PHLDB2: variants seen among roughly 807,000 people sequenced by gnomAD.
PHLDB2 encodes the protein pleckstrin homology-like domain family B member 2.
Under a neutral mutation model 123.6 loss-of-function variants are expected in PHLDB2, and 71 were observed. The observed-to-expected ratio is 0.57, with a 90% confidence interval of 0.47 to 0.70. PHLDB2 has a LOEUF of 0.70. Among genes scored for constraint, PHLDB2 ranks in the 30% least tolerant of loss-of-function variants. The probability of loss-of-function intolerance (pLI) is 0.00; values close to 1 mark genes in which losing one functional copy is unlikely to be tolerated. For synonymous variants in PHLDB2, 547 were observed against 541.6 expected (o/e 1.01, Z -0.14); for missense variants, 1,446 against 1,519.5 (o/e 0.95, Z 0.80).
At chr3:111,875,291 G>C (rs1241707881) in intron 1 of PHLDB2, among the ~76,000 whole-genome samples, 2 of 151,688 alleles carry the variant, frequency 1.3e-5, no homozygotes, top group African/African-American at 4.8e-5. Flanking sequence ...TGGGATTACA[G>C]GCATGCACCA....
In PHLDB2 at chr3:111,838,278, G is replaced by A. The variant is rs573966634; in HGVS notation, c.-48-7543G>A. ...TATCTCCTGATCGGCTGGGACTATA[G>A]GCACCTGCCACCACTCCTACCCAGG... On this transcript the variant is annotated intron_variant, in intron 1 of 17. Transcript: ENST00000393923. 3.3e-5 allele frequency among the ~76,000 whole-genome samples: 5 copies of A among 152,242 alleles called. No homozygotes were observed. The South Asian group carries it at 8.3e-4, about 25-fold the overall frequency.
At chr3:111,799,810 A>C (rs1284725645) in intron 1 of PHLDB2, among the ~76,000 whole-genome samples, 2 of 152,238 alleles carry the variant, frequency 1.3e-5, no homozygotes, top group Non-Finnish European at 2.9e-5. Flanking sequence ...TGTGTTCAAC[A>C]CATGTCATAG....
chr3:111,924,354 A>T (rs954327141), intron 5 of PHLDB2, among the ~76,000 whole-genome samples: 2 of 152,252 alleles, frequency 1.3e-5, no homozygotes, highest in Non-Finnish European at 2.9e-5. Context: ...ACTGTGATCC[A>T]CTGTTTATCC....
At chr3:111,857,203 A>G (rs2064550503), upstream of PHLDB2, among the ~76,000 whole-genome samples, 2 of 152,120 alleles carry the variant, frequency 1.3e-5, no homozygotes, top group African/African-American at 4.8e-5. Flanking sequence ...TGTCATCCCA[A>G]CACTTAGGGT....
At chr3:111,855,282 A>C (rs1309416686), upstream of PHLDB2, among the ~76,000 whole-genome samples, 1 of 152,214 alleles carries the variant, frequency 6.6e-6, no homozygotes, top group Non-Finnish European at 1.5e-5. Context: ...TGTTTAGTTT[A>C]CAACACAATA....
chr3:111,848,534 G>A (rs2064113445), intron 2 of PHLDB2, among the ~76,000 whole-genome samples: 1 of 152,234 alleles, frequency 6.6e-6, no homozygotes, highest in African/African-American at 2.4e-5. Context: ...CACTCCAAGT[G>A]TTGAGGGATC....
At chr3:111,780,324 A>AGAAGAAGAAGAG (rs2060378190) in intron 1 of PHLDB2, among the ~76,000 whole-genome samples, 1 of 7,506 alleles carries the variant, frequency 1.3e-4, no homozygotes, top group African/African-American at 1.9e-4. Flanking sequence ...AGGAAGAGGA[A>AGAAGAAGAAGAG]GAAGAAGAAG....
intron 12 of PHLDB2, chr3:111,958,821 C>G (rs2071212116): frequency 2.3e-6 from 1 of 431,712 alleles, no homozygotes; most frequent in African/African-American, 2.1e-5. Context: ...GGGAAAGTCT[C>G]ATTTTTCCCA....
At chr3:111,749,696 A>T (rs1307896773) in intron 1 of PHLDB2, among the ~76,000 whole-genome samples, 1 of 152,234 alleles carries the variant, frequency 6.6e-6, no homozygotes, top group African/African-American at 2.4e-5. Flanking sequence ...TGCCAGTAGT[A>T]CTTTTTCATT....
At chr3:111,889,512 G>C (rs1293134771) in intron 2 of PHLDB2, among the ~76,000 whole-genome samples, 3 of 151,910 alleles carry the variant, frequency 2.0e-5, no homozygotes, top group African/African-American at 4.8e-5. Context: ...GACCAGCCCG[G>C]GCAACATGGC....
chr3:111,852,562 A>C (rs975315483), intron 2 of PHLDB2, among the ~76,000 whole-genome samples: 2 of 152,102 alleles, frequency 1.3e-5, no homozygotes, highest in Non-Finnish European at 2.9e-5. Context: ...AGAGAAGAGA[A>C]GCTGAGTTCT....
chr3:111,950,013 A>T, intron 10 of PHLDB2: 1 of 577,848 alleles, frequency 1.7e-6, no homozygotes, highest in Non-Finnish European at 2.2e-6. Flanking sequence ...TACTTCTCTG[A>T]TTTTTTTTTT....
intron 1 of PHLDB2, among the ~76,000 whole-genome samples, chr3:111,784,128 T>C (rs2060590713): frequency 2.0e-5 from 3 of 152,230 alleles, no homozygotes; most frequent in Admixed American, 6.5e-5. Flanking sequence ...TAGGATCAGA[T>C]CAAGATTGAG....
intron 5 of PHLDB2, among the ~76,000 whole-genome samples, chr3:111,925,467 A>G (rs2068761434): frequency 6.6e-6 from 1 of 152,194 alleles, no homozygotes; most frequent in South Asian, 2.1e-4. Flanking sequence ...TAGCCACATC[A>G]CAGATGGAGC....
chr3:111,965,068 C>T (rs541722016), intron 13 of PHLDB2, among the ~76,000 whole-genome samples: 1 of 152,298 alleles, frequency 6.6e-6, no homozygotes, highest in Admixed American at 6.5e-5. Flanking sequence ...TCCCTTTCCA[C>T]CCATGAAGTC....
intron 1 of PHLDB2, among the ~76,000 whole-genome samples, chr3:111,786,008 TCTTA>T (rs994676458): frequency 1.1e-4 from 16 of 152,110 alleles, no homozygotes; most frequent in Middle Eastern, 3.2e-3. Context: ...TTATAGCAAA[TCTTA>T]CTTAAATAAA....
chr3:111,743,516 A>T (rs1269112244), intron 1 of PHLDB2, among the ~76,000 whole-genome samples: 2 of 152,180 alleles, frequency 1.3e-5, no homozygotes, highest in Admixed American at 1.3e-4. Context: ...GGAATAGTGA[A>T]CAAAGTAAAA....
At chr3:111,919,459 A>G (rs543971458) in intron 4 of PHLDB2, among the ~76,000 whole-genome samples, 9 of 152,250 alleles carry the variant, frequency 5.9e-5, no homozygotes, top group African/African-American at 1.4e-4. Flanking sequence ...TGAATCTCCA[A>G]CCAACTTTGT....
intron 1 of PHLDB2, among the ~76,000 whole-genome samples, chr3:111,797,092 A>G (rs1045334830): frequency 6.6e-6 from 1 of 152,108 alleles, no homozygotes; most frequent in African/African-American, 2.4e-5. Context: ...GCTAAATGTG[A>G]TCTCCTCAAA....
Sources: gnomAD v4.1 joint callset for allele counts (sites outside exome capture counted in the v4.1 genomes callset) on GRCh38, gnomAD v4.1.1 for gene constraint, MANE v1.5 for transcripts, NCBI Gene and HGNC (gene_info 2026-07-23, HGNC 2026-07-21) for gene names.